The following NRCAM variants were observed in gnomAD, a reference collection of about 807,000 sequenced individuals.
NRCAM encodes the protein neuronal cell adhesion molecule, also known as NgCAM-related cell adhesion molecule.
A neutral mutation model predicts 156.5 loss-of-function variants in NRCAM; 83 were observed. That is an observed-to-expected ratio of 0.53 (90% CI 0.44 to 0.64). The LOEUF is 0.64. NRCAM is among the 30% of genes least tolerant of loss of function. NRCAM has a pLI of 0.00. For synonymous variants in NRCAM, 538 were observed against 563.9 expected (o/e 0.95, Z 0.65); for missense variants, 1,417 against 1,597.3 (o/e 0.89, Z 1.92).
At chr7:108,255,170 T>TCC (rs111800077) in intron 3 of NRCAM, among the ~76,000 whole-genome samples, 1 of 87,054 alleles carries the variant, frequency 1.1e-5, no homozygotes, top group Non-Finnish European at 2.4e-5. Flanking sequence ...CCTCTCCCCC[T>TCC]CCCCCCCCTG....
chr7:108,309,248 G>A (rs979086705), intron 3 of NRCAM, among the ~76,000 whole-genome samples: 13 of 152,196 alleles, frequency 8.5e-5, no homozygotes, highest in African/African-American at 2.7e-4. Flanking sequence ...ACAATGAAGA[G>A]GGAGGAAGTT....
At chr7:108,424,177 G>A (rs1813967109) in intron 1 of NRCAM, among the ~76,000 whole-genome samples, 1 of 152,212 alleles carries the variant, frequency 6.6e-6, no homozygotes, top group Admixed American at 6.5e-5. Context: ...GTAGCCCAGT[G>A]CTGACTGACC....
At chr7:108,268,618 GT>G (rs1563032483) in intron 3 of NRCAM, among the ~76,000 whole-genome samples, 3 of 113,056 alleles carry the variant, frequency 2.7e-5, no homozygotes, top group Non-Finnish European at 3.7e-5. Context: ...CGGGGCGGGG[GT>G]GGGGGTGGGG....
intron 2 of NRCAM, among the ~76,000 whole-genome samples, chr7:108,333,548 C>T (rs1008086237): frequency 2.0e-5 from 3 of 152,088 alleles, no homozygotes; most frequent in African/African-American, 7.2e-5. Flanking sequence ...AATCTATCAC[C>T]TGTTCTTAGA....
At chr7:108,408,114 T>A (rs890161742) in intron 1 of NRCAM, among the ~76,000 whole-genome samples, 11 of 152,198 alleles carry the variant, frequency 7.2e-5, no homozygotes, top group African/African-American at 2.2e-4. Flanking sequence ...TTTCTTTTTT[T>A]AAAAAAACTG....
At chr7:108,267,387 C>T (rs2097147736) in intron 3 of NRCAM, among the ~76,000 whole-genome samples, 1 of 152,204 alleles carries the variant, frequency 6.6e-6, no homozygotes, top group Non-Finnish European at 1.5e-5. Context: ...AGCAATTGCT[C>T]CCTCAATAGG....
chr7:108,225,454 G>GA (rs1441279881), intron 10 of NRCAM, among the ~76,000 whole-genome samples, 191 bp downstream of exon 10: 1 of 152,142 alleles, frequency 6.6e-6, no homozygotes, highest in African/African-American at 2.4e-5. Context: ...ATACATCATG[G>GA]AAAATGCTCT....
intron 2 of NRCAM, among the ~76,000 whole-genome samples, chr7:108,389,725 G>T (rs180752578): frequency 8.3e-4 from 127 of 152,262 alleles, no homozygotes; most frequent in African/African-American, 3.0e-3. Flanking sequence ...TTTGAGATAT[G>T]TCCCAACAAT....
intron 3 of NRCAM, 114 bp from the exon 4 acceptor site, chr7:108,240,284 A>G (rs1016497198): frequency 2.3e-5 from 8 of 355,246 alleles, no homozygotes; most frequent in African/African-American, 1.7e-4. Flanking sequence ...ACTCTAAAAG[A>G]AAGTTAACTT....
chr7:108,224,596 A>G (rs561526578), intron 10 of NRCAM, among the ~76,000 whole-genome samples: 1 of 152,278 alleles, frequency 6.6e-6, no homozygotes, highest in Non-Finnish European at 1.5e-5. Flanking sequence ...CAGAAATTAC[A>G]TCATCTTAAG....
chr7:108,296,285 A>C (rs995064445), intron 3 of NRCAM, among the ~76,000 whole-genome samples: 4 of 152,188 alleles, frequency 2.6e-5, no homozygotes, highest in African/African-American at 9.7e-5. Context: ...TTTCTTACAC[A>C]GGTACTGGCC....
At chr7:108,341,709 G>A (rs1481606792) in intron 2 of NRCAM, among the ~76,000 whole-genome samples, 1 of 152,122 alleles carries the variant, frequency 6.6e-6, no homozygotes, top group Non-Finnish European at 1.5e-5. Context: ...CCCTACCAAA[G>A]GCAGTACCCC....
At chr7:108,177,905 A>G in intron 26 of NRCAM, 85 bp downstream of exon 26, 1 of 1,257,094 alleles carries the variant, frequency 8.0e-7, no homozygotes, top group Admixed American at 2.2e-5. Flanking sequence ...TACGTACCCC[A>G]TGAGGAGGTA....
intron 11 of NRCAM, among the ~76,000 whole-genome samples, chr7:108,219,414 C>T (rs1051582572): frequency 2.6e-5 from 4 of 152,086 alleles, no homozygotes; most frequent in Non-Finnish European, 4.4e-5. Context: ...AAACTATGGA[C>T]TGATATCCCT....
intron 2 of NRCAM, among the ~76,000 whole-genome samples, chr7:108,314,879 G>C (rs1407338878): frequency 6.6e-6 from 1 of 152,076 alleles, no homozygotes; most frequent in Non-Finnish European, 1.5e-5. Context: ...ATACTTTTTA[G>C]TTCAACTCTA....
At chr7:108,247,494 T>A (rs927538826) in intron 3 of NRCAM, among the ~76,000 whole-genome samples, 5 of 151,214 alleles carry the variant, frequency 3.3e-5, no homozygotes, top group African/African-American at 1.2e-4. Context: ...ATACTTAACT[T>A]ACATTTCTCA....
intron 3 of NRCAM, among the ~76,000 whole-genome samples, chr7:108,277,442 T>C (rs565929759): frequency 6.6e-6 from 1 of 152,274 alleles, no homozygotes; most frequent in East Asian, 1.9e-4. Flanking sequence ...TTCTTTTCAC[T>C]CTTTTTTCTC....
At chr7:108,195,123 T>C (rs936701093) in intron 15 of NRCAM, among the ~76,000 whole-genome samples, 1 of 152,110 alleles carries the variant, frequency 6.6e-6, no homozygotes, top group African/African-American at 2.4e-5. Flanking sequence ...GAATATCCCC[T>C]AACTAGTCCC....
chr7:108,182,615 C>T, intron 23 of NRCAM, 80 bp downstream of exon 23: 1 of 1,290,818 alleles, frequency 7.7e-7, no homozygotes, highest in Non-Finnish European at 1.1e-6. Context: ...CCCTTGCAAC[C>T]TGAGCAAGGA....
Sources: allele counts gnomAD v4.1 joint callset (sites outside exome capture counted in the v4.1 genomes callset), GRCh38; gene constraint gnomAD v4.1.1; transcripts MANE v1.5; gene names NCBI Gene and HGNC (gene_info 2026-07-23, HGNC 2026-07-21).